GPM6B: variants seen among roughly 807,000 people sequenced by gnomAD.
The protein encoded by GPM6B is glycoprotein M6B.
Under a neutral mutation model 27.2 loss-of-function variants are expected in GPM6B, and 4 were observed. That is an observed-to-expected ratio of 0.15 (90% CI 0.07 to 0.34). The LOEUF (loss-of-function observed/expected upper bound fraction) is 0.34. Ranked by LOEUF, GPM6B falls within the 10% of genes least tolerant of loss-of-function variation. The pLI is 1.00. For missense variants in GPM6B, 183 were observed against 261.9 expected, an observed-to-expected ratio of 0.70 and a Z score of 2.08; for synonymous variants, 124 against 103.1, an observed-to-expected ratio of 1.20 and a Z score of -1.23.
At chrX:13,887,299 G>A (rs1156503573) in intron 1 of GPM6B, among the ~76,000 whole-genome samples, 2 of 112,413 alleles carry the variant, frequency 1.8e-5, no homozygotes, top group African/African-American at 6.5e-5. Context: ...GGCCTGTAGG[G>A]ACATCTTGGG....
intron 2 of GPM6B, among the ~76,000 whole-genome samples, chrX:13,798,687 G>C (rs189349363): frequency 1.8e-5 from 2 of 112,647 alleles, no homozygotes; most frequent in Non-Finnish European, 3.8e-5. Context: ...CTTAACATCT[G>C]GGACAAAGCT....
chrX:13,806,001 T>TC (rs1181736537), intron 2 of GPM6B, among the ~76,000 whole-genome samples: 2 of 111,518 alleles, frequency 1.8e-5, no homozygotes, highest in South Asian at 7.5e-4. Flanking sequence ...GCTTTTTTTT[T>TC]CAAAAGCAGC....
At chrX:13,865,808 T>G (rs1453955269) in intron 1 of GPM6B, among the ~76,000 whole-genome samples, 1 of 108,994 alleles carries the variant, frequency 9.2e-6, no homozygotes, top group Non-Finnish European at 1.9e-5. Flanking sequence ...CATTCTCTTC[T>G]GCACTTTGCT....
At chrX:13,863,471 G>A (rs997053773) in intron 1 of GPM6B, among the ~76,000 whole-genome samples, 1 of 111,445 alleles carries the variant, frequency 9.0e-6, no homozygotes. Flanking sequence ...CAGGGATTCA[G>A]CCCCAGAGAA....
chrX:13,853,837 G>T (rs764999013), intron 1 of GPM6B, among the ~76,000 whole-genome samples: 7 of 111,308 alleles, frequency 6.3e-5, no homozygotes, highest in Admixed American at 3.8e-4. Context: ...GGAAGGAAAG[G>T]TGTTCAGCAT....
At chrX:13,937,780 T>C (rs181112594) in intron 1 of GPM6B, among the ~76,000 whole-genome samples, 12 of 111,172 alleles carry the variant, frequency 1.1e-4, no homozygotes, top group Admixed American at 9.5e-4. Context: ...TCGGGCCAGG[T>C]TGGAGATTTC....
chrX:13,778,366 A>T (rs1427649068), intron 5 of GPM6B, among the ~76,000 whole-genome samples: 2 of 112,483 alleles, frequency 1.8e-5, no homozygotes, highest in East Asian at 2.8e-4. Flanking sequence ...TTTAAAAAGA[A>T]AAAACACTAC....
In GPM6B at chrX:13,790,618, G is replaced by A. The variant is rs182439994; in HGVS notation, c.182-4810C>T. Among the ~76,000 whole-genome samples, 497 of 111,843 alleles carry A rather than the reference G, an allele frequency of 4.4e-3. 3 individuals are homozygous for A. The highest frequency in any genetic ancestry group is 5.7e-3 in the Non-Finnish European group (304 of 53,165). On this transcript the variant is annotated intron_variant, in intron 2 of 7. Coordinates refer to ENST00000316715, the MANE Select transcript of GPM6B (RefSeq NM_001001995.3). ...GTGTGTGATGTTTTTTCTCTAAGAC[G>A]TGGCCCACTGGGTTTGGCCATAACC...
At chrX:13,918,310 C>A (rs988549731) in intron 1 of GPM6B, among the ~76,000 whole-genome samples, 12 of 112,685 alleles carry the variant, frequency 1.1e-4, no homozygotes, top group Non-Finnish European at 2.2e-4. Context: ...CAAATAATGC[C>A]TTTGATGGTA....
At chrX:13,783,784 T>C (rs1237831214) in intron 3 of GPM6B, 1 of 445,529 alleles carries the variant, frequency 2.2e-6, no homozygotes, top group Non-Finnish European at 4.1e-6. Flanking sequence ...CTTACCTGAG[T>C]CCTGGGCGGC....
chrX:13,792,510 C>T (rs1362055866), intron 2 of GPM6B, among the ~76,000 whole-genome samples: 2 of 111,585 alleles, frequency 1.8e-5, no homozygotes, highest in Admixed American at 9.5e-5. Context: ...TGGGTAGAGG[C>T]CAGGGATGCT....
intron 2 of GPM6B, among the ~76,000 whole-genome samples, chrX:13,796,667 A>G (rs1205874182): frequency 8.9e-6 from 1 of 112,644 alleles, no homozygotes; most frequent in African/African-American, 3.2e-5. Context: ...AATGATAGAA[A>G]GGAAATCACT....
intron 1 of GPM6B, among the ~76,000 whole-genome samples, chrX:13,885,959 A>C (rs1306415055): frequency 1.8e-5 from 2 of 112,671 alleles, no homozygotes; most frequent in African/African-American, 6.4e-5. Context: ...TGAAAAACTG[A>C]CATATCTTTT....
intron 7 of GPM6B, chrX:13,774,136 G>C: frequency 1.3e-6 from 1 of 756,035 alleles, no homozygotes; most frequent in Non-Finnish European, 1.6e-6. Flanking sequence ...AGATTAAAAC[G>C]GTTCTCTTCC....
At chrX:13,869,162 C>G (rs745601460) in intron 1 of GPM6B, among the ~76,000 whole-genome samples, 3 of 112,396 alleles carry the variant, frequency 2.7e-5, no homozygotes, top group South Asian at 3.7e-4. Flanking sequence ...GAATGAAGTA[C>G]TGACACATGC....
At position 13,926,170 on chromosome X, in the gene GPM6B, G is replaced by A. The variant is rs150862234; in HGVS notation, c.-198+12157C>T. ...GCAAAGGATCGCACTTTGGGAGGCCGAGGCAGGCAGAGCACGAGGTCAGGA... is the reference window on the plus strand; with the variant it reads ...GCAAAGGATCGCACTTTGGGAGGCCAAGGCAGGCAGAGCACGAGGTCAGGA... On this transcript the variant is annotated intron_variant, in intron 1 of 6. Transcript: ENST00000398361. Among the ~76,000 whole-genome samples, 612 of 108,713 alleles carry A rather than the reference G, an allele frequency of 5.6e-3. 7 individuals carry two copies. Among genetic ancestry groups the A allele is most frequent in the African/African-American group, 0.019 (568 of 29,798 alleles). The allele number at this position is 108,713 out of a possible 115,157, so 94.4% of individuals were successfully genotyped here.
intron 1 of GPM6B, among the ~76,000 whole-genome samples, chrX:13,864,354 G>C (rs1011881231): frequency 8.9e-6 from 1 of 112,616 alleles, no homozygotes; most frequent in African/African-American, 3.2e-5. Context: ...AGCACGTTAG[G>C]GGGGATGCTG....
chrX:13,799,242 T>G (rs1259618482), intron 2 of GPM6B, among the ~76,000 whole-genome samples: 1 of 82,236 alleles, frequency 1.2e-5, no homozygotes, highest in Non-Finnish European at 2.3e-5. Flanking sequence ...ACACAGAGCC[T>G]TGCTCTGTTG....
chrX:13,880,151 G>A (rs1466814372), intron 1 of GPM6B, among the ~76,000 whole-genome samples: 4 of 111,765 alleles, frequency 3.6e-5, no homozygotes, highest in Non-Finnish European at 7.5e-5. Flanking sequence ...TTATGTCATA[G>A]TCTGAAATGG....
Sources: allele counts gnomAD v4.1 joint callset (sites outside exome capture counted in the v4.1 genomes callset), GRCh38; gene constraint gnomAD v4.1.1; transcripts MANE v1.5; gene names NCBI Gene and HGNC (gene_info 2026-07-23, HGNC 2026-07-21).